Variants in SH3RF1 observed in about 807,000 individuals in gnomAD.
The protein encoded by SH3RF1 is E3 ubiquitin-protein ligase SH3RF1.
Under a neutral mutation model 74.0 loss-of-function variants are expected in SH3RF1, and 32 were observed. That is an observed-to-expected ratio of 0.43 (90% CI 0.33 to 0.58). The LOEUF (loss-of-function observed/expected upper bound fraction) is 0.58, where lower values mean the gene tolerates loss of function less well. Ranked by LOEUF, SH3RF1 falls within the 20% of genes least tolerant of loss-of-function variation. The probability of loss-of-function intolerance (pLI) is 0.05; values close to 1 mark genes in which losing one functional copy is unlikely to be tolerated. For missense variants in SH3RF1, 954 were observed against 1,130.9 expected, an observed-to-expected ratio of 0.84 and a Z score of 2.24; for synonymous variants, 396 against 439.6, an observed-to-expected ratio of 0.90 and a Z score of 1.24.
chr4:169,099,967 G>C (rs2706744), intron 11 of SH3RF1, among the ~76,000 whole-genome samples: 1 of 151,972 alleles, frequency 6.6e-6, no homozygotes, highest in African/African-American at 2.4e-5. Flanking sequence ...CTCAGGTCCT[G>C]ATCTTGAGCC....
chr4:169,252,555 T>G (rs1731123247), intron 2 of SH3RF1, among the ~76,000 whole-genome samples: 1 of 152,274 alleles, frequency 6.6e-6, no homozygotes. Context: ...TCTGCCTGAT[T>G]GCCAGATAAT....
At chr4:169,138,053 A>G (rs1434994069) in intron 4 of SH3RF1, among the ~76,000 whole-genome samples, 1 of 152,246 alleles carries the variant, frequency 6.6e-6, no homozygotes, top group Non-Finnish European at 1.5e-5. Flanking sequence ...GAAAGATCAT[A>G]AAGACTTCTT....
intron 2 of SH3RF1, among the ~76,000 whole-genome samples, chr4:169,215,657 T>C (rs946303379): frequency 3.9e-5 from 6 of 152,182 alleles, no homozygotes; most frequent in African/African-American, 1.4e-4. Flanking sequence ...CTTCCCTTAG[T>C]TTTGTTTATT....
chr4:169,101,455 G>T (rs1322352067), intron 11 of SH3RF1, among the ~76,000 whole-genome samples: 2 of 152,092 alleles, frequency 1.3e-5, no homozygotes, highest in Non-Finnish European at 2.9e-5. Flanking sequence ...GGGCCTGGAG[G>T]AGGGGGAATG....
At chr4:169,222,193 G>A (rs1479269555) in intron 2 of SH3RF1, among the ~76,000 whole-genome samples, 3 of 152,182 alleles carry the variant, frequency 2.0e-5, no homozygotes, top group Non-Finnish European at 4.4e-5. Flanking sequence ...GCTGGTCATG[G>A]TGGCTTACGC....
intron 2 of SH3RF1, among the ~76,000 whole-genome samples, chr4:169,162,313 A>G (rs1734162233): frequency 6.6e-6 from 1 of 152,254 alleles, no homozygotes; most frequent in Non-Finnish European, 1.5e-5. Context: ...TGTTCTCAAG[A>G]TATCTACATC....
At chr4:169,100,311 G>A (rs897440847) in intron 11 of SH3RF1, among the ~76,000 whole-genome samples, 32 of 151,914 alleles carry the variant, frequency 2.1e-4, no homozygotes, top group African/African-American at 7.5e-4. Context: ...TCACTATCCT[G>A]GTTGATGACT....
At chr4:169,166,706 G>T in intron 2 of SH3RF1, 1 of 210,642 alleles carries the variant, frequency 4.7e-6, no homozygotes, top group South Asian at 9.8e-5. Context: ...TCACCCCAGG[G>T]ACCATTCTGA....
intron 6 of SH3RF1, among the ~76,000 whole-genome samples, chr4:169,129,553 G>C (rs1403191257): frequency 6.6e-6 from 1 of 152,184 alleles, no homozygotes; most frequent in African/African-American, 2.4e-5. Context: ...TTCCAAGACT[G>C]AAGGTGCCTT....
chr4:169,104,490 G>A (rs555797248), intron 11 of SH3RF1, among the ~76,000 whole-genome samples: 20 of 152,252 alleles, frequency 1.3e-4, no homozygotes, highest in African/African-American at 4.6e-4. Flanking sequence ...TGAGAGGAAA[G>A]ATAAAATGAT....
chr4:169,234,225 G>A (rs996389391), intron 2 of SH3RF1, among the ~76,000 whole-genome samples: 1 of 151,966 alleles, frequency 6.6e-6, no homozygotes, highest in African/African-American at 2.4e-5. Context: ...ATAATTAATC[G>A]GGAGTCCAGA....
intron 2 of SH3RF1, among the ~76,000 whole-genome samples, chr4:169,160,228 G>A (rs1734129538): frequency 6.6e-6 from 1 of 152,138 alleles, no homozygotes; most frequent in South Asian, 2.1e-4. Flanking sequence ...GCTCCTTGAA[G>A]AGATCTGTAA....
At chr4:169,197,624 C>CAAA (rs530886905) in intron 2 of SH3RF1, among the ~76,000 whole-genome samples, 9 of 114,132 alleles carry the variant, frequency 7.9e-5, no homozygotes, top group African/African-American at 2.4e-4. Flanking sequence ...GACTCTGTCT[C>CAAA]AAAAAAAAAA....
At chr4:169,165,360 G>T (rs2126969818) in intron 2 of SH3RF1, among the ~76,000 whole-genome samples, 1 of 152,186 alleles carries the variant, frequency 6.6e-6, no homozygotes, top group South Asian at 2.1e-4. Context: ...GGAGAGGGGT[G>T]TGTTGAGAAC....
At chr4:169,180,599 T>A (rs1579123190) in intron 2 of SH3RF1, among the ~76,000 whole-genome samples, 1 of 152,226 alleles carries the variant, frequency 6.6e-6, no homozygotes, top group Middle Eastern at 3.4e-3. Flanking sequence ...GTTCTTGGGG[T>A]TCCCCTACCC....
chr4:169,113,506 A>C (rs1733278048), intron 10 of SH3RF1, among the ~76,000 whole-genome samples: 1 of 152,222 alleles, frequency 6.6e-6, no homozygotes, highest in Non-Finnish European at 1.5e-5. Context: ...TTAGAAAGGG[A>C]AATAAAACTC....
At chr4:169,248,207 T>C (rs1731040899) in intron 2 of SH3RF1, among the ~76,000 whole-genome samples, 1 of 152,230 alleles carries the variant, frequency 6.6e-6, no homozygotes, top group African/African-American at 2.4e-5. Context: ...ACTGCAGCAC[T>C]ATCTACAATA....
intron 2 of SH3RF1, among the ~76,000 whole-genome samples, chr4:169,181,255 G>GT (rs1191378259): frequency 7.4e-6 from 1 of 135,794 alleles, no homozygotes; most frequent in Non-Finnish European, 1.6e-5. Flanking sequence ...CCTTGGGAAA[G>GT]CCTTTTTTTT....
At chr4:169,130,518 C>T (rs1733600859) in intron 5 of SH3RF1, among the ~76,000 whole-genome samples, 1 of 152,180 alleles carries the variant, frequency 6.6e-6, no homozygotes. Flanking sequence ...TAACAATTTC[C>T]CTGAAGATCC....
Sources: allele counts gnomAD v4.1 joint callset (sites outside exome capture counted in the v4.1 genomes callset), GRCh38; gene constraint gnomAD v4.1.1; transcripts MANE v1.5; gene names NCBI Gene and HGNC (gene_info 2026-07-23, HGNC 2026-07-21).